LRRFIP2: variants seen among roughly 807,000 people sequenced by gnomAD.
LRRFIP2 encodes the protein LRR binding FLII interacting protein 2.
LRRFIP2 carries 109 observed loss-of-function variants against 125.9 expected under a neutral mutation model. That is an observed-to-expected ratio of 0.87 (90% CI 0.74 to 1.01). LRRFIP2 has a LOEUF of 1.01. Ranked by LOEUF, LRRFIP2 falls within the 50% of genes least tolerant of loss-of-function variation. The pLI is 0.00. For missense variants in LRRFIP2, 850 were observed against 862.3 expected (o/e 0.99, Z 0.18); for synonymous variants, 291 against 293.1 (o/e 0.99, Z 0.07).
intron 24 of LRRFIP2, among the ~76,000 whole-genome samples, 158 bp from the exon 25 acceptor site, chr3:37,059,068 G>A (rs770282635): frequency 2.0e-5 from 3 of 152,136 alleles, no homozygotes; most frequent in Admixed American, 6.5e-5. Flanking sequence ...GACACACATC[G>A]TCCTAGGTGC....
chr3:37,154,467 T>A (rs901873318), intron 1 of LRRFIP2: 1 of 152,222 alleles, frequency 6.6e-6, no homozygotes, highest in African/African-American at 2.4e-5. Flanking sequence ...TTCCAGTGTT[T>A]CCTTGGTGGT....
At chr3:37,063,567 G>A (rs1013375933) in intron 24 of LRRFIP2, among the ~76,000 whole-genome samples, 175 bp downstream of exon 24, 10 of 152,176 alleles carry the variant, frequency 6.6e-5, no homozygotes, top group Admixed American at 2.0e-4. Flanking sequence ...TTAAAAAAAT[G>A]TTTTAAGAAC....
At chr3:37,103,297 T>C (rs529777856) in intron 14 of LRRFIP2, among the ~76,000 whole-genome samples, 1 of 152,202 alleles carries the variant, frequency 6.6e-6, no homozygotes, top group Non-Finnish European at 1.5e-5. Flanking sequence ...AAATCTCTCA[T>C]GTTTAAGATA....
chr3:37,135,824 T>C (rs142326706), intron 2 of LRRFIP2, among the ~76,000 whole-genome samples: 50 of 152,330 alleles, frequency 3.3e-4, no homozygotes, highest in African/African-American at 1.2e-3. Flanking sequence ...GTGGAGAAAT[T>C]AGAACCCTCA....
chr3:37,117,792 TGA>T (rs1250174185), intron 6 of LRRFIP2, among the ~76,000 whole-genome samples: 3 of 152,250 alleles, frequency 2.0e-5, no homozygotes, highest in Admixed American at 2.0e-4. Flanking sequence ...AAGTCAAAAG[TGA>T]ATGCATAACA....
At chr3:37,055,033 C>G in intron 26 of LRRFIP2, 53 bp downstream of exon 26, 1 of 1,217,364 alleles carries the variant, frequency 8.2e-7, no homozygotes, top group East Asian at 2.4e-5. Context: ...TTGTTAGCCA[C>G]TTAGATGCAG....
intron 2 of LRRFIP2, among the ~76,000 whole-genome samples, chr3:37,146,413 G>C (rs140393005): frequency 8.9e-4 from 136 of 152,176 alleles, no homozygotes; most frequent in African/African-American, 3.3e-3. Flanking sequence ...TATCACCTAG[G>C]TATTTAGCCC....
Position 37,054,947 on chromosome 3 carries a change from G to A in LRRFIP2, c.1950+139C>T, listed in dbSNP as rs575749729. ...AGAAGGCTAAAATGTCCCAACAAGT[G>A]CTCTCTGCTGGCTTTTCTATTTTAA... On this transcript the variant is annotated intron_variant, in intron 26 of 27. Coordinates refer to ENST00000336686, the MANE Select transcript of LRRFIP2 (RefSeq NM_006309.4). The A allele has an allele frequency of 2.0e-5, 12 of 606,142 alleles. No homozygotes were observed. In the South Asian group the frequency reaches 2.2e-4, roughly 11 times the overall value. 37.5% of individuals were successfully genotyped at this position (606,142 alleles called of 1,614,324 possible). A position where few individuals can be genotyped will look rare whatever the true frequency, so the allele number is the denominator to read the frequency against.
chr3:37,078,772 T>C (rs1487531478), intron 19 of LRRFIP2, among the ~76,000 whole-genome samples: 2 of 152,010 alleles, frequency 1.3e-5, no homozygotes, highest in African/African-American at 2.4e-5. Context: ...GGGCAGAAAA[T>C]GTACAAGATG....
chr3:37,070,729 CA>C (rs1168884034), intron 21 of LRRFIP2, among the ~76,000 whole-genome samples: 4 of 151,554 alleles, frequency 2.6e-5, no homozygotes, highest in East Asian at 1.9e-4. Flanking sequence ...GATTCCATCT[CA>C]AAAAAAGAAT....
At chr3:37,076,851 A>C (rs1442176994) in intron 19 of LRRFIP2, among the ~76,000 whole-genome samples, 1 of 152,164 alleles carries the variant, frequency 6.6e-6, no homozygotes, top group African/African-American at 2.4e-5. Context: ...GGGCAACAGG[A>C]GCGAAACTCT....
intron 17 of LRRFIP2, among the ~76,000 whole-genome samples, chr3:37,092,015 G>A (rs1236300864): frequency 6.6e-6 from 1 of 152,076 alleles, no homozygotes; most frequent in African/African-American, 2.4e-5. Context: ...TATGAACAAA[G>A]TTTTCTTTCA....
At chr3:37,071,940 A>G (rs2091270162) in intron 21 of LRRFIP2, among the ~76,000 whole-genome samples, 1 of 152,202 alleles carries the variant, frequency 6.6e-6, no homozygotes, top group Non-Finnish European at 1.5e-5. Context: ...CAAAACAGCA[A>G]TGAAGACATT....
chr3:37,062,287 A>G (rs1359512799), intron 24 of LRRFIP2, among the ~76,000 whole-genome samples: 1 of 152,158 alleles, frequency 6.6e-6, no homozygotes, highest in Non-Finnish European at 1.5e-5. Flanking sequence ...TTTCTAAACT[A>G]ATTTATTCAC....
intron 1 of LRRFIP2, among the ~76,000 whole-genome samples, chr3:37,157,557 A>G (rs568858705): frequency 2.7e-4 from 41 of 152,132 alleles, no homozygotes; most frequent in East Asian, 1.7e-3. Context: ...GGGAGGAGAG[A>G]GAGGGGAAAA....
Position 37,167,522 on chromosome 3 carries a change from C to T in LRRFIP2, c.-56+7017G>A, listed in dbSNP as rs544462709. Among the ~76,000 whole-genome samples, 6 of 151,304 alleles carry T rather than the reference C, an allele frequency of 4.0e-5. No homozygotes were observed. In the East Asian group the frequency reaches 5.9e-4, roughly 15 times the overall value. On this transcript the variant is annotated intron_variant, in intron 1 of 27. Transcript: ENST00000336686. The stretch of plus-strand genomic sequence containing the variant: ...TACGAAAATTAGCCGGGCGTGGTGG[C>T]GGGTGCCCATAGTCCCAGCTACTTG...
chr3:37,167,511 G>A (rs1479169410), intron 1 of LRRFIP2, among the ~76,000 whole-genome samples: 3 of 151,724 alleles, frequency 2.0e-5, no homozygotes, highest in Admixed American at 6.6e-5. Flanking sequence ...AAAATTAGCC[G>A]GGCGTGGTGG....
At position 37,055,097 on chromosome 3, in the gene LRRFIP2, A is replaced by G. The variant is rs760532878; in HGVS notation, c.1939T>C (p.Leu647=). ...LSKAEQDITT[L]EQSISRLEGQ... is the part of the protein sequence containing the mutation. ...ATAGAAGTACTTACACTTTGCTCCA[A>G]GGTAGTTATATCCTGTTCTGCTTTT... Residue 647 remains leucine (L), a synonymous_variant, in exon 26 of 28, where the codon TTG becomes CTG. Coordinates refer to ENST00000336686, the MANE Select transcript of LRRFIP2 (RefSeq NM_006309.4). 7.5e-6 allele frequency: 12 copies of G among 1,592,738 alleles called. No individual in the cohort carries two copies. The South Asian group carries it at 9.0e-5, about 12-fold the overall frequency.
chr3:37,089,801 C>T (rs1057035405), intron 18 of LRRFIP2, among the ~76,000 whole-genome samples: 1 of 152,078 alleles, frequency 6.6e-6, no homozygotes, highest in Non-Finnish European at 1.5e-5. Context: ...ATTTAATGTA[C>T]CGATTTGTTT....
Sources: allele counts gnomAD v4.1 joint callset (sites outside exome capture counted in the v4.1 genomes callset), GRCh38; gene constraint gnomAD v4.1.1; transcripts MANE v1.5; gene names NCBI Gene and HGNC (gene_info 2026-07-23, HGNC 2026-07-21).